Variants in CCDC178 observed in about 807,000 individuals in gnomAD.
CCDC178 encodes the protein coiled-coil domain containing 178, also known as coiled-coil domain-containing protein 178.
A neutral mutation model predicts 117.4 loss-of-function variants in CCDC178; 126 were observed. The observed-to-expected ratio is 1.07, with a 90% CI of 0.93 to 1.24. The LOEUF is 1.24. Among genes scored for constraint, CCDC178 ranks in the 50% most tolerant of loss-of-function variants. The probability of loss-of-function intolerance (pLI) is 0.00; values close to 1 mark genes in which losing one functional copy is unlikely to be tolerated. For synonymous variants in CCDC178, 283 were observed against 313.4 expected (o/e 0.90, Z 1.02); for missense variants, 1,030 against 986.9 (o/e 1.04, Z -0.59).
intron 20 of CCDC178, among the ~76,000 whole-genome samples, chr18:33,126,218 G>T (rs2058002438): frequency 1.3e-5 from 2 of 151,592 alleles, no homozygotes; most frequent in South Asian, 4.1e-4. Context: ...CAGGAAATCA[G>T]AATATTTATA....
At chr18:33,381,712 A>C (rs978047355) in intron 5 of CCDC178, among the ~76,000 whole-genome samples, 10 of 152,202 alleles carry the variant, frequency 6.6e-5, no homozygotes, top group African/African-American at 2.4e-4. Flanking sequence ...AATTGGTCTT[A>C]GTCAAAATAT....
chr18:33,191,310 T>A (rs140714624), intron 20 of CCDC178, among the ~76,000 whole-genome samples: 44 of 152,282 alleles, frequency 2.9e-4, no homozygotes, highest in African/African-American at 1.0e-3. Flanking sequence ...TTAAGTCACA[T>A]AATGCTTAAT....
At chr18:32,983,759 C>A (rs566352208) in intron 21 of CCDC178, among the ~76,000 whole-genome samples, 2 of 152,138 alleles carry the variant, frequency 1.3e-5, no homozygotes, top group East Asian at 3.9e-4. Context: ...TTCTCAATTT[C>A]TGACAGATAG....
chr18:33,317,258 C>G (rs905054660), intron 11 of CCDC178, among the ~76,000 whole-genome samples: 1 of 152,112 alleles, frequency 6.6e-6, no homozygotes, highest in African/African-American at 2.4e-5. Context: ...GACCACGAAC[C>G]CACCAGGAGG....
At chr18:33,285,624 C>G (rs1407187257) in intron 12 of CCDC178, among the ~76,000 whole-genome samples, 1 of 151,986 alleles carries the variant, frequency 6.6e-6, no homozygotes, top group Non-Finnish European at 1.5e-5. Flanking sequence ...AACAATAAAC[C>G]ATAACCAAGC....
At chr18:32,962,636 T>C (rs1227311654) in intron 22 of CCDC178, among the ~76,000 whole-genome samples, 1 of 152,112 alleles carries the variant, frequency 6.6e-6, no homozygotes, top group Non-Finnish European at 1.5e-5. Flanking sequence ...AATTTTTTGT[T>C]TCTTTTCCTC....
intron 21 of CCDC178, among the ~76,000 whole-genome samples, chr18:33,078,569 CA>C (rs1163226894): frequency 6.6e-6 from 1 of 152,160 alleles, no homozygotes; most frequent in Non-Finnish European, 1.5e-5. Context: ...AGCTGATAAA[CA>C]ACTTCAACAA....
chr18:33,105,496 T>C (rs2057692772), intron 20 of CCDC178, among the ~76,000 whole-genome samples: 1 of 151,630 alleles, frequency 6.6e-6, no homozygotes, highest in African/African-American at 2.4e-5. Flanking sequence ...ATGAACTAAT[T>C]ACTAATAATT....
intron 20 of CCDC178, among the ~76,000 whole-genome samples, chr18:33,096,349 T>TATATAAAA (rs1368935985): frequency 5.4e-4 from 58 of 107,288 alleles, no homozygotes; most frequent in African/African-American, 3.0e-3. Flanking sequence ...TTTTATATTT[T>TATATAAAA]ATATAAAAAT....
intron 22 of CCDC178, among the ~76,000 whole-genome samples, chr18:32,970,807 C>T (rs2054908541): frequency 6.6e-6 from 1 of 151,962 alleles, no homozygotes; most frequent in South Asian, 2.1e-4. Flanking sequence ...TAGAATCTTC[C>T]AGAAAGGAGG....
chr18:33,051,143 C>G (rs1004354472), intron 21 of CCDC178, among the ~76,000 whole-genome samples: 1 of 152,064 alleles, frequency 6.6e-6, no homozygotes, highest in African/African-American at 2.4e-5. Flanking sequence ...GAACTCCTGA[C>G]CTCAGGTGAT....
At chr18:33,025,012 G>T (rs142418021) in intron 21 of CCDC178, among the ~76,000 whole-genome samples, 3 of 152,206 alleles carry the variant, frequency 2.0e-5, no homozygotes, top group African/African-American at 7.2e-5. Flanking sequence ...CAGTACAAAA[G>T]AAATAGTGTT....
chr18:33,434,179 G>A (rs1027463532), intron 2 of CCDC178, among the ~76,000 whole-genome samples: 25 of 151,974 alleles, frequency 1.6e-4, no homozygotes, highest in African/African-American at 5.3e-4. Context: ...ACAAACCAGA[G>A]ATATAAAAAA....
At chr18:33,337,616 A>T (rs1187396989) in intron 9 of CCDC178, among the ~76,000 whole-genome samples, 1 of 152,160 alleles carries the variant, frequency 6.6e-6, no homozygotes, top group African/African-American at 2.4e-5. Flanking sequence ...AAATACAGCT[A>T]ACTGATCTTC....
At chr18:33,019,371 C>A (rs1021095271) in intron 21 of CCDC178, among the ~76,000 whole-genome samples, 4 of 152,150 alleles carry the variant, frequency 2.6e-5, no homozygotes, top group Admixed American at 2.6e-4. Context: ...AACATCATAT[C>A]AGGCTGCCAT....
intron 20 of CCDC178, among the ~76,000 whole-genome samples, chr18:33,106,866 T>C (rs1043417608): frequency 2.6e-5 from 4 of 151,708 alleles, no homozygotes; most frequent in East Asian, 1.9e-4. Context: ...ATCAAACCTA[T>C]AACTGTCTTT....
At chr18:33,028,713 T>C (rs915596935) in intron 21 of CCDC178, among the ~76,000 whole-genome samples, 14 of 151,814 alleles carry the variant, frequency 9.2e-5, no homozygotes, top group Middle Eastern at 3.2e-3. Flanking sequence ...ATTTCTAGTT[T>C]ATTATTTTTT....
intron 22 of CCDC178, among the ~76,000 whole-genome samples, chr18:32,943,417 C>T (rs1387100973): frequency 6.6e-6 from 1 of 152,050 alleles, no homozygotes; most frequent in Non-Finnish European, 1.5e-5. Flanking sequence ...AATAATAGGT[C>T]CTATTTTTTT....
chr18:33,440,644 C>T lies in CCDC178; in HGVS notation c.-143+9G>A, dbSNP rs1483490179. On this transcript the variant is annotated intron_variant, in intron 1 of 22. Coordinates refer to ENST00000383096, the MANE Select transcript of CCDC178 (RefSeq NM_001105528.4). ...CGCCCGCGCCGAGGCACAAGCGCCC[C>T]CGACTCACCGGCTCCGCGCGTTTCC... The T allele has an allele frequency of 6.6e-6, 1 of 151,236 alleles. No individual in the cohort carries two copies. The highest frequency in any genetic ancestry group is 2.5e-5 in the African/African-American group (1 of 40,554). The allele number at this position is 151,236 out of a possible 1,614,324, so 9.4% of individuals were successfully genotyped here.
Sources: allele counts gnomAD v4.1 joint callset (sites outside exome capture counted in the v4.1 genomes callset), GRCh38; gene constraint gnomAD v4.1.1; transcripts MANE v1.5; gene names NCBI Gene and HGNC (gene_info 2026-07-23, HGNC 2026-07-21).